NXN: variants seen among roughly 807,000 people sequenced by gnomAD.
The protein encoded by NXN is nucleoredoxin 1.
A neutral mutation model predicts 48.6 loss-of-function variants in NXN; 16 were observed. The ratio of observed to expected loss-of-function variants is 0.33; its 90% confidence interval spans 0.22 to 0.50. The LOEUF (loss-of-function observed/expected upper bound fraction) is 0.50, where lower values mean the gene tolerates loss of function less well. NXN is among the 20% of genes least tolerant of loss of function. The pLI, the probability that NXN is intolerant of heterozygous loss-of-function variation, is 0.98. For missense variants in NXN, 492 were observed against 605.5 expected (o/e 0.81, Z 1.97); for synonymous variants, 281 against 269.6 (o/e 1.04, Z -0.41).
intron 7 of NXN, 113 bp from the exon 8 acceptor site, chr17:801,244 G>A (rs1313949539): frequency 2.4e-5 from 17 of 716,630 alleles, no homozygotes; most frequent in African/African-American, 3.7e-5. Context: ...AAGAGCCGGC[G>A]TTTCCCAAGC....
At chr17:822,849 C>T (rs371497030) in intron 3 of NXN, among the ~76,000 whole-genome samples, 7 of 152,312 alleles carry the variant, frequency 4.6e-5, no homozygotes, top group East Asian at 1.9e-4. Flanking sequence ...CCTGTCACCC[C>T]AGCACTTTGG....
chr17:907,374 C>T (rs1458454765), intron 1 of NXN, among the ~76,000 whole-genome samples: 5 of 150,316 alleles, frequency 3.3e-5, no homozygotes, highest in Non-Finnish European at 5.9e-5. Context: ...GAGTCTCACT[C>T]GGTCACTCAA....
chr17:822,762 T>C (rs1462217371), intron 3 of NXN, among the ~76,000 whole-genome samples: 2 of 152,174 alleles, frequency 1.3e-5, no homozygotes, highest in Admixed American at 1.3e-4. Context: ...ATTGTCCCTA[T>C]GCAGTGTGTG....
At chr17:934,262 G>A (rs190133317) in intron 1 of NXN, among the ~76,000 whole-genome samples, 4 of 151,986 alleles carry the variant, frequency 2.6e-5, no homozygotes, top group Admixed American at 2.0e-4. Context: ...TGGCTAACAC[G>A]GTGAAACCCT....
chr17:845,180 G>GAGAGAGAATTCCACCCTTCT (rs71371585), intron 1 of NXN, among the ~76,000 whole-genome samples: 6 of 150,186 alleles, frequency 4.0e-5, no homozygotes, highest in East Asian at 4.0e-4. Flanking sequence ...AATTGAGAGT[G>GAGAGAGAATTCCACCCTTCT]AGAGAGAATT....
chr17:804,027 G>A, intron 6 of NXN: 1 of 575,090 alleles, frequency 1.7e-6, no homozygotes, highest in Non-Finnish European at 3.1e-6. Flanking sequence ...CCTGCACCGG[G>A]CTCCCCAGGA....
intron 1 of NXN, among the ~76,000 whole-genome samples, chr17:885,940 G>A (rs189572412): frequency 0.095 from 14,414 of 151,434 alleles, 864 homozygotes; most frequent in South Asian, 0.22. Flanking sequence ...CGCCCGCCTC[G>A]GCCTCCCAAA....
At position 835,044 on chromosome 17, in the gene NXN, C is replaced by T. The variant is rs575280100; in HGVS notation, c.361-8966G>A. 3.3e-5 allele frequency among the ~76,000 whole-genome samples: 5 copies of T among 151,846 alleles called. No homozygotes were observed. In the East Asian group the frequency reaches 8.0e-4, roughly 24 times the overall value. On this transcript the variant is annotated intron_variant, in intron 1 of 7. Coordinates refer to ENST00000336868, the MANE Select transcript of NXN (RefSeq NM_022463.5). ...TCACAGCAGGCCTGGCGCGGTGGCT[C>T]ACGCCCGTAATCCCAGCACTTTGGG... is the stretch of plus-strand genomic sequence containing the variant.
chr17:859,222 G>C (rs2068017573), intron 1 of NXN, among the ~76,000 whole-genome samples: 1 of 152,098 alleles, frequency 6.6e-6, no homozygotes, highest in African/African-American at 2.4e-5. Flanking sequence ...ATATTTCATG[G>C]GCCCCCTCCC....
intron 5 of NXN, among the ~76,000 whole-genome samples, chr17:807,582 C>T (rs1014670493): frequency 6.6e-6 from 1 of 151,450 alleles, no homozygotes; most frequent in Admixed American, 6.6e-5. Context: ...CACGGAGCCC[C>T]CACCTGGCTT....
At chr17:845,543 T>C (rs1485534515) in intron 1 of NXN, among the ~76,000 whole-genome samples, 3 of 152,232 alleles carry the variant, frequency 2.0e-5, no homozygotes, top group Admixed American at 6.5e-5. Flanking sequence ...CTCTCCCTCA[T>C]AAGACGAGGC....
At chr17:964,314 G>C (rs540638274) in intron 1 of NXN, among the ~76,000 whole-genome samples, 75 of 152,252 alleles carry the variant, frequency 4.9e-4, no homozygotes, top group Admixed American at 1.6e-3. Context: ...TGTTGGCTCA[G>C]GGGCAGAACA....
chr17:964,414 C>T (rs747732101), intron 1 of NXN, among the ~76,000 whole-genome samples: 18 of 152,200 alleles, frequency 1.2e-4, no homozygotes, highest in Non-Finnish European at 2.5e-4. Context: ...TGTTCCACCC[C>T]AGTCTCTGCA....
chr17:979,599 C>A lies in NXN; in HGVS notation c.80G>T (p.Gly27Val). ...ACCCAGCAGCGAGATGCCGCGGGCG[C>A]CCAGCGAGTGCACGTCCACCTCCTC... is the stretch of plus-strand genomic sequence containing the variant. Reference protein sequence around the residue: ...GGEEVDVHSLGARGISLLGLY... With the variant: ...GGEEVDVHSLVARGISLLGLY... Residue 27 changes from glycine (G) to valine (V), a missense_variant, in exon 1 of 8, where the codon GGC (glycine) becomes GTC (valine). Physicochemically the swap from Gly to Val is moderately radical, Grantham distance 109. Around this residue, in one of 3 missense-constraint regions of NXN, gnomAD observed 186 missense variants for 199.1 expected, o/e 0.93. Transcript: ENST00000336868. 6.9e-7 allele frequency: 1 copy of A among 1,454,226 alleles called. No individual in the cohort carries two copies. Among genetic ancestry groups the A allele is most frequent in the East Asian group, 2.9e-5 (1 of 34,840 alleles). 90.1% of individuals were successfully genotyped at this position (1,454,226 alleles called of 1,614,324 possible). A position where few individuals can be genotyped will look rare whatever the true frequency, so the allele number is the denominator to read the frequency against.
chr17:889,924 C>T (rs1022821221), intron 1 of NXN, among the ~76,000 whole-genome samples: 15 of 152,132 alleles, frequency 9.9e-5, no homozygotes, highest in African/African-American at 3.6e-4. Flanking sequence ...CTTCGCTCCC[C>T]CAACCTGCCG....
chr17:923,023 C>T (rs939042816), intron 1 of NXN, among the ~76,000 whole-genome samples: 9 of 152,098 alleles, frequency 5.9e-5, no homozygotes, highest in Non-Finnish European at 1.2e-4. Flanking sequence ...TCTTCATCTC[C>T]TCCCTACTTC....
chr17:801,073 A>G lies in NXN; in HGVS notation c.1184T>C (p.Leu395Pro). ...YTNLPEAAPL[L>P]TILDMSARAK... ...CCGGGCTGACATGTCCAGGATGGTG[A>G]GCAAAGGGGCAGCCTCAGGCAGGTT... Residue 395 changes from leucine (L) to proline (P), a missense_variant, in exon 8 of 8, where the codon CTC (leucine) becomes CCC (proline). Physicochemically the swap from Leu to Pro is moderately conservative, Grantham distance 98. Transcript: ENST00000336868. 6.3e-7 allele frequency: 1 copy of G among 1,578,154 alleles called. No homozygotes were observed. The highest frequency in any genetic ancestry group is 8.6e-7 in the Non-Finnish European group (1 of 1,161,286).
chr17:902,237 G>A (rs535832302), intron 1 of NXN, among the ~76,000 whole-genome samples: 13 of 152,290 alleles, frequency 8.5e-5, no homozygotes, highest in East Asian at 1.9e-4. Context: ...CACGTCCGCC[G>A]TCCGTTCCAG....
chr17:820,416 C>T (rs891303443), intron 4 of NXN, among the ~76,000 whole-genome samples: 2 of 151,154 alleles, frequency 1.3e-5, no homozygotes, highest in African/African-American at 4.9e-5. Context: ...TCGAGACCGT[C>T]CTGGCTAACA....
Sources: allele counts gnomAD v4.1 joint callset (sites outside exome capture counted in the v4.1 genomes callset), GRCh38; gene constraint gnomAD v4.1.1; regional missense constraint gnomAD v4.1.1; transcripts MANE v1.5; gene names NCBI Gene and HGNC (gene_info 2026-07-23, HGNC 2026-07-21).